The following TIAM1 variants were observed in gnomAD, a reference collection of about 807,000 sequenced individuals.
The protein encoded by TIAM1 is rho guanine nucleotide exchange factor TIAM1.
In TIAM1, 65 loss-of-function variants were observed where a neutral mutation model predicts 163.5. That is an observed-to-expected ratio of 0.40 (90% CI 0.33 to 0.49). The LOEUF is 0.49. TIAM1 is among the 20% of genes least tolerant of loss of function. The probability of loss-of-function intolerance (pLI) is 0.77; values close to 1 mark genes in which losing one functional copy is unlikely to be tolerated. For synonymous variants in TIAM1, 833 were observed against 810.1 expected (o/e 1.03, Z -0.48); for missense variants, 1,789 against 2,044.7 (o/e 0.87, Z 2.41).
chr21:31,270,022 C>T (rs1020545474), intron 3 of TIAM1, among the ~76,000 whole-genome samples: 1 of 152,154 alleles, frequency 6.6e-6, no homozygotes, highest in Non-Finnish European at 1.5e-5. Flanking sequence ...ATGCCAGCTA[C>T]TTCCATCATC....
intron 1 of TIAM1, among the ~76,000 whole-genome samples, chr21:31,489,569 A>AG (rs1257463836): frequency 9.4e-5 from 4 of 42,672 alleles, no homozygotes; most frequent in Non-Finnish European, 4.1e-5. Context: ...GGAAAAGTGC[A>AG]GACCCCCCCC....
intron 16 of TIAM1, among the ~76,000 whole-genome samples, chr21:31,157,920 C>G (rs2083707092): frequency 6.6e-6 from 1 of 152,198 alleles, no homozygotes; most frequent in Admixed American, 6.5e-5. Flanking sequence ...ACATGGGGAT[C>G]TGACACATAT....
chr21:31,395,969 C>T lies in TIAM1; in HGVS notation c.-368-56547G>A, dbSNP rs899003997. 1.3e-5 allele frequency among the ~76,000 whole-genome samples: 2 copies of T among 152,116 alleles called. No homozygotes were observed. The highest frequency in any genetic ancestry group is 1.9e-4 in the East Asian group (1 of 5,194). The stretch of plus-strand genomic sequence containing the variant: ...GATTTAAAATTCAACAGGAACATGG[C>T]TTTTTTCCTCCGTAATGGCTGTGAA... On this transcript the variant is annotated intron_variant, in intron 2 of 28. Coordinates refer to the TIAM1 transcript ENST00000286827. This position sits in a 1 kb window ranked among gnomAD's most constrained non-coding sequence, Gnocchi z 7.5.
chr21:31,346,327 A>T (rs1282715825), upstream of TIAM1, among the ~76,000 whole-genome samples: 1 of 152,144 alleles, frequency 6.6e-6, no homozygotes, highest in Non-Finnish European at 1.5e-5. Context: ...ATGAAACAAC[A>T]CTTCTCCTTT....
chr21:31,247,072 C>T (rs1435184406), intron 5 of TIAM1, among the ~76,000 whole-genome samples: 1 of 152,100 alleles, frequency 6.6e-6, no homozygotes, highest in African/African-American at 2.4e-5. Context: ...GTAATCGCAG[C>T]ACTTTGGGAG....
rs1478835541 is a variant in TIAM1, at chr21:31,119,253, GGTT to G, written c.*1112_*1114del. 6.6e-6 allele frequency: 1 copy of G among 152,542 alleles called. No individual in the cohort carries two copies. The highest frequency in any genetic ancestry group is 1.5e-5 in the Non-Finnish European group (1 of 68,012). 9.4% of individuals were successfully genotyped at this position (152,542 alleles called of 1,614,324 possible). ...TAAACACAAGAGAAGTTTTTAAAGAGGTTGTTCTGTTTAAAGGTTTGGTTATGG... is the reference window on the plus strand; with the variant it reads ...TAAACACAAGAGAAGTTTTTAAAGAGGTTCTGTTTAAAGGTTTGGTTATGG... On this transcript the variant is annotated 3_prime_UTR_variant, in exon 28 of 28. Coordinates refer to ENST00000541036, the MANE Select transcript of TIAM1 (RefSeq NM_001353694.2).
intron 10 of TIAM1, among the ~76,000 whole-genome samples, chr21:31,212,167 T>C (rs1291677060): frequency 1.3e-5 from 2 of 152,126 alleles, no homozygotes; most frequent in African/African-American, 4.8e-5. Context: ...GCATCATTCA[T>C]GAGTAGTTTG....
chr21:31,298,033 T>C (rs1373871664), intron 2 of TIAM1, among the ~76,000 whole-genome samples: 1 of 152,176 alleles, frequency 6.6e-6, no homozygotes, highest in Non-Finnish European at 1.5e-5. Flanking sequence ...GATAATCTAA[T>C]CATCACAGCC....
At chr21:31,499,386 C>A (rs775123978) in intron 1 of TIAM1, among the ~76,000 whole-genome samples, 1 of 151,402 alleles carries the variant, frequency 6.6e-6, no homozygotes, top group Non-Finnish European at 1.5e-5. Flanking sequence ...ACGGTGAAAT[C>A]GCATCTCTAT....
At chr21:31,394,728 T>TCTCACACACACACACA (rs1279053911) in intron 2 of TIAM1, among the ~76,000 whole-genome samples, 2 of 95,704 alleles carry the variant, frequency 2.1e-5, no homozygotes, top group African/African-American at 4.1e-5. Context: ...TCTCTCTCTC[T>TCTCACACACACACACA]CACACACACA....
At chr21:31,359,829 GAA>G (rs1175817514) in intron 2 of TIAM1, among the ~76,000 whole-genome samples, 4 of 131,870 alleles carry the variant, frequency 3.0e-5, no homozygotes, top group Non-Finnish European at 4.9e-5. Context: ...AGGAAGGAAG[GAA>G]GGAAGGAAGG....
At chr21:31,217,907 C>T (rs2087312965) in intron 8 of TIAM1, among the ~76,000 whole-genome samples, 1 of 152,168 alleles carries the variant, frequency 6.6e-6, no homozygotes, top group Non-Finnish European at 1.5e-5. Context: ...AAATGAAAAG[C>T]TGGCAAATTC....
intron 15 of TIAM1, among the ~76,000 whole-genome samples, chr21:31,168,632 C>T (rs2084358584): frequency 6.6e-6 from 1 of 152,172 alleles, no homozygotes; most frequent in Admixed American, 6.5e-5. Context: ...GATCTCCTAA[C>T]CTCGTGATCC....
At chr21:31,285,695 T>C (rs896639864) in intron 2 of TIAM1, among the ~76,000 whole-genome samples, 1 of 152,100 alleles carries the variant, frequency 6.6e-6, no homozygotes, top group Admixed American at 6.6e-5. Context: ...ACCCTGTCTC[T>C]ACTAAAAATA....
intron 2 of TIAM1, among the ~76,000 whole-genome samples, chr21:31,404,141 T>C (rs1245723727): frequency 2.6e-5 from 4 of 152,184 alleles, no homozygotes; most frequent in Non-Finnish European, 1.5e-5. Context: ...AAACAACATT[T>C]GTTTATCATT....
rs752412679 is a variant in TIAM1 at position 31,127,138 on chromosome 21, C to A, written c.4060G>T (p.Ala1354Ser). 2.5e-6 allele frequency: 4 copies of A among 1,613,960 alleles called. No individual in the cohort carries two copies. The South Asian group carries it at 4.4e-5, about 18-fold the overall frequency. ...TTTACATGGACAATTTCACACACGG[C>A]ATTTGCCTCTGCATCTAAAGAAATT... ...ALASADAEAN[A>S]VCEIVHVKSE... is the part of the protein sequence containing the mutation. Residue 1354 changes from alanine (A) to serine (S), a missense_variant, in exon 26 of 28, where the codon GCC becomes TCC. By Grantham distance (99) the Ala-to-Ser change is moderately conservative (BLOSUM62 1). Around this residue, in one of 5 missense-constraint regions of TIAM1, gnomAD observed 415 missense variants for 439.2 expected, o/e 0.94. Transcript: ENST00000541036.
intron 19 of TIAM1, among the ~76,000 whole-genome samples, chr21:31,149,739 C>A (rs1233847467): frequency 6.6e-6 from 1 of 152,098 alleles, no homozygotes; most frequent in Non-Finnish European, 1.5e-5. Context: ...TATTAAGCAG[C>A]TTTTTTGTTT....
chr21:31,388,254 C>CAG (rs1569288073), intron 2 of TIAM1, among the ~76,000 whole-genome samples: 2 of 101,516 alleles, frequency 2.0e-5, no homozygotes, highest in African/African-American at 7.7e-5. Flanking sequence ...CACACACACA[C>CAG]ACACAACCTC....
intron 15 of TIAM1, among the ~76,000 whole-genome samples, chr21:31,167,360 G>A (rs2084284679): frequency 6.6e-6 from 1 of 152,150 alleles, no homozygotes; most frequent in African/African-American, 2.4e-5. Context: ...TGGGATTACA[G>A]GCATGAGCCA....
Sources: allele counts gnomAD v4.1 joint callset (sites outside exome capture counted in the v4.1 genomes callset), GRCh38; gene constraint gnomAD v4.1.1; regional missense constraint gnomAD v4.1.1; non-coding constraint Gnocchi (gnomAD v3.1); transcripts MANE v1.5; gene names NCBI Gene and HGNC (gene_info 2026-07-23, HGNC 2026-07-21).